MCPH1: variants seen among roughly 807,000 people sequenced by gnomAD.
The protein encoded by MCPH1 is microcephalin 1.
In MCPH1, 104 loss-of-function variants were observed where a neutral mutation model predicts 84.5. The ratio of observed to expected loss-of-function variants is 1.23; its 90% CI spans 1.05 to 1.45. The LOEUF is 1.45. MCPH1 is among the 40% of genes most tolerant of loss of function. MCPH1 has a pLI of 0.00. For synonymous variants in MCPH1, 514 were observed against 366.8 expected (o/e 1.40, Z -4.58); for missense variants, 1,498 against 1,005.7 (o/e 1.49, Z -6.62).
At chr8:6,464,828 T>G (rs1415460692) in intron 9 of MCPH1, among the ~76,000 whole-genome samples, 3 of 152,188 alleles carry the variant, frequency 2.0e-5, no homozygotes, top group Non-Finnish European at 4.4e-5. Flanking sequence ...GAAAACCCTG[T>G]GTCTACTAAA....
chr8:6,482,145 A>G (rs999703326), intron 11 of MCPH1, among the ~76,000 whole-genome samples: 1 of 152,178 alleles, frequency 6.6e-6, no homozygotes, highest in African/African-American at 2.4e-5. Context: ...TGGCCTAATA[A>G]TGTTCCCCAA....
intron 4 of MCPH1, among the ~76,000 whole-genome samples, chr8:6,434,718 C>G (rs918081926): frequency 2.6e-5 from 4 of 152,154 alleles, no homozygotes; most frequent in African/African-American, 7.2e-5. Context: ...AAAAGAAGTT[C>G]TTTCTATGAG....
intron 4 of MCPH1, among the ~76,000 whole-genome samples, chr8:6,434,636 G>A (rs73661726): frequency 1.1e-4 from 16 of 152,196 alleles, no homozygotes; most frequent in Non-Finnish European, 2.4e-4. Flanking sequence ...ATAAAGTCAT[G>A]TTTTTTGTCA....
intron 8 of MCPH1, among the ~76,000 whole-genome samples, chr8:6,450,694 T>C (rs559792446): frequency 7.9e-5 from 12 of 152,166 alleles, no homozygotes; most frequent in African/African-American, 2.7e-4. Context: ...ATTTTGGCTT[T>C]TAACAAAGCA....
chr8:6,578,516 C>T (rs1827294984), intron 12 of MCPH1, among the ~76,000 whole-genome samples: 1 of 152,220 alleles, frequency 6.6e-6, no homozygotes, highest in Middle Eastern at 3.4e-3. Flanking sequence ...AATACTTGAT[C>T]ATTTTCTAAA....
chr8:6,581,362 G>A (rs540980585), intron 12 of MCPH1, among the ~76,000 whole-genome samples: 2 of 152,330 alleles, frequency 1.3e-5, no homozygotes, highest in African/African-American at 2.4e-5. Context: ...CTACTAACAT[G>A]TAGTTTCCAT....
chr8:6,578,404 A>T (rs994235457), intron 12 of MCPH1, among the ~76,000 whole-genome samples: 1 of 152,232 alleles, frequency 6.6e-6, no homozygotes, highest in Admixed American at 6.5e-5. Context: ...GGGCTTAAAA[A>T]TATGCCTGTT....
intron 12 of MCPH1, among the ~76,000 whole-genome samples, chr8:6,611,130 T>TCACACACACACA (rs138053875): frequency 2.1e-4 from 32 of 149,848 alleles, no homozygotes; most frequent in African/African-American, 7.8e-4. Context: ...ACACACACAC[T>TCACACACACACA]CACACACACA....
chr8:6,407,528 C>T (rs1797914525), intron 1 of MCPH1, among the ~76,000 whole-genome samples: 1 of 152,028 alleles, frequency 6.6e-6, no homozygotes, highest in African/African-American at 2.4e-5. Context: ...ATAGCGGACA[C>T]GTGTCTTGTA....
Position 6,509,032 on chromosome 8 carries a change from G to C in MCPH1, c.2214+9103G>C, listed in dbSNP as rs61733315. 1.1e-5 allele frequency: 18 copies of C among 1,614,006 alleles called. 1 individual carries two copies. The African/African-American group carries it at 2.4e-4, about 22-fold the overall frequency. ...GTTGGCTGATGCTGCTTATTTTGCC[G>C]GCTGTCCCTGTAAGTCCTTTAAGGT... is the stretch of plus-strand genomic sequence containing the variant. On this transcript the variant is annotated intron_variant, in intron 12 of 13. Coordinates refer to ENST00000344683, the MANE Select transcript of MCPH1 (RefSeq NM_024596.5).
intron 13 of MCPH1, among the ~76,000 whole-genome samples, chr8:6,636,660 A>G (rs1028514085): frequency 6.6e-6 from 1 of 152,172 alleles, no homozygotes; most frequent in Non-Finnish European, 1.5e-5. Context: ...CAGTCTATGC[A>G]CAGAACTATT....
intron 3 of MCPH1, among the ~76,000 whole-genome samples, chr8:6,420,668 T>C (rs1327168041): frequency 6.6e-6 from 1 of 152,218 alleles, no homozygotes; most frequent in African/African-American, 2.4e-5. Context: ...TTATCTCTGC[T>C]GTTACAGTCG....
At chr8:6,449,168 CAGTT>C (rs1288909748) in intron 8 of MCPH1, among the ~76,000 whole-genome samples, 5 of 152,192 alleles carry the variant, frequency 3.3e-5, no homozygotes, top group South Asian at 2.1e-4. Context: ...TGTCAGTCCA[CAGTT>C]AGATAATTTG....
At chr8:6,491,130 G>A (rs1810520614) in intron 11 of MCPH1, among the ~76,000 whole-genome samples, 1 of 150,990 alleles carries the variant, frequency 6.6e-6, no homozygotes. Flanking sequence ...CAAAAAGGTG[G>A]CCACATACCA....
rs931840181 is a variant in MCPH1, at chr8:6,625,946, A to C, written c.2452+4255A>C. On this transcript the variant is annotated intron_variant, in intron 13 of 13. Coordinates refer to ENST00000344683, the MANE Select transcript of MCPH1 (RefSeq NM_024596.5). ...AAGTTTCTTTTCTTTTCCTTTCTTT[A>C]TTATTATTAGTATTCTGTGGCCAGA... is the stretch of plus-strand genomic sequence containing the variant. 1.9e-5 allele frequency: 19 copies of C among 984,088 alleles called. No individual in the cohort carries two copies. The African/African-American group carries it at 2.8e-4, about 15-fold the overall frequency. The allele number at this position is 984,088 out of a possible 1,614,324, so 61.0% of individuals were successfully genotyped here. A position where few individuals can be genotyped will look rare whatever the true frequency, so the allele number is the denominator to read the frequency against.
intron 11 of MCPH1, among the ~76,000 whole-genome samples, chr8:6,494,773 G>T (rs992324188): frequency 2.0e-5 from 3 of 152,164 alleles, no homozygotes; most frequent in African/African-American, 7.2e-5. Flanking sequence ...TTACTTAACA[G>T]GTACAGGATG....
At chr8:6,493,144 A>C (rs535502158) in intron 11 of MCPH1, among the ~76,000 whole-genome samples, 2 of 152,332 alleles carry the variant, frequency 1.3e-5, no homozygotes, top group South Asian at 4.1e-4. Flanking sequence ...GTACGCACTT[A>C]GTTATTTATA....
At chr8:6,414,708 TAGTTA>T (rs1433085562) in intron 2 of MCPH1, 52 bp from the exon 3 acceptor site, 36 of 1,593,792 alleles carry the variant, frequency 2.3e-5, no homozygotes, top group Admixed American at 1.7e-5. Context: ...TGATCAGTTG[TAGTTA>T]AGTTGTGAAT....
chr8:6,460,794 G>A (rs1287680492), intron 9 of MCPH1, among the ~76,000 whole-genome samples: 1 of 151,914 alleles, frequency 6.6e-6, no homozygotes, highest in African/African-American at 2.4e-5. Flanking sequence ...TCTGACTCTG[G>A]TTCACCTCCT....
Sources: gnomAD v4.1 joint callset for allele counts (sites outside exome capture counted in the v4.1 genomes callset) on GRCh38, gnomAD v4.1.1 for gene constraint, MANE v1.5 for transcripts, NCBI Gene and HGNC (gene_info 2026-07-23, HGNC 2026-07-21) for gene names.